The following HNRNPH3 variants were observed in gnomAD, a reference collection of about 807,000 sequenced individuals.
The protein encoded by HNRNPH3 is heterogeneous nuclear ribonucleoprotein 2H9.
HNRNPH3 carries 7 observed loss-of-function variants against 47.0 expected under a neutral mutation model. That is an observed-to-expected ratio of 0.15 (90% CI 0.08 to 0.28). HNRNPH3 has a LOEUF of 0.28. Among genes scored for constraint, HNRNPH3 ranks in the 10% least tolerant of loss-of-function variants. HNRNPH3 has a pLI of 1.00. For synonymous variants in HNRNPH3, 120 were observed against 143.2 expected, an observed-to-expected ratio of 0.84 and a Z score of 1.16; for missense variants, 279 against 449.6, an observed-to-expected ratio of 0.62 and a Z score of 3.43.
Position 68,338,553 on chromosome 10 carries a change from A to G in HNRNPH3, c.302A>G (p.Asp101Gly). Residue 101 changes from aspartate (D) to glycine (G), a missense_variant, in exon 4 of 10, where the codon GAT (aspartate) becomes GGT (glycine). By Grantham distance (94) the Asp-to-Gly change is moderately conservative (BLOSUM62 -1). Transcript: ENST00000265866. ...SSRSEIKGFY[D>G]PPRRLLGQRP... ...AGGAGTGAAATCAAAGGATTTTATGATCCACCAAGAAGATTGCTGGGACAG... is the reference window on the plus strand; with the variant it reads ...AGGAGTGAAATCAAAGGATTTTATGGTCCACCAAGAAGATTGCTGGGACAG... 1.2e-6 allele frequency: 2 copies of G among 1,613,078 alleles called. No individual in the cohort carries two copies. Among genetic ancestry groups the G allele is most frequent in the Non-Finnish European group, 1.7e-6 (2 of 1,179,156 alleles).
chr10:68,340,608 G>A (rs1388470387), intron 6 of HNRNPH3, among the ~76,000 whole-genome samples: 3 of 152,192 alleles, frequency 2.0e-5, no homozygotes, highest in East Asian at 1.9e-4. Flanking sequence ...AAAAGCAATG[G>A]TGTGCTCTAG....
Position 68,342,457 on chromosome 10 carries a change from T to A in HNRNPH3, c.*403T>A, listed in dbSNP as rs1229012133. ...GACATCTGGAATAGAGCTTGACAAA[T>A]AATTAGTGTAACTTTTTTCTTTAGT... On this transcript the variant is annotated 3_prime_UTR_variant, in exon 10 of 10. Coordinates refer to ENST00000265866, the MANE Select transcript of HNRNPH3 (RefSeq NM_012207.3). 1 of 157,300 alleles carries A rather than the reference T, an allele frequency of 6.4e-6. No homozygotes were observed. The highest frequency in any genetic ancestry group is 6.3e-5 in the Admixed American group (1 of 15,924). 9.7% of individuals were successfully genotyped at this position (157,300 alleles called of 1,614,324 possible).
chr10:68,341,086 T>A, intron 6 of HNRNPH3, 88 bp from the exon 7 acceptor site: 1 of 937,580 alleles, frequency 1.1e-6, no homozygotes, highest in South Asian at 1.7e-5. Context: ...GAAGGGTTTG[T>A]TTTAATTGAT....
In HNRNPH3 at chr10:68,342,247, T is replaced by C. The variant is rs1318070307; in HGVS notation, c.*193T>C. On this transcript the variant is annotated 3_prime_UTR_variant, in exon 10 of 10. Coordinates refer to ENST00000265866, the MANE Select transcript of HNRNPH3 (RefSeq NM_012207.3). ...AGGTTTATTTGTTGCATACTTTGAC[T>C]TAAAAATAAATTTTTATATTCAAAC... The C allele has an allele frequency of 2.0e-6, 1 of 494,398 alleles. No individual in the cohort carries two copies. Among genetic ancestry groups the C allele is most frequent in the Non-Finnish European group, 3.6e-6 (1 of 278,852 alleles). 30.6% of individuals were successfully genotyped at this position (494,398 alleles called of 1,614,324 possible).
chr10:68,337,751 T>TTTTGG lies in HNRNPH3; in HGVS notation c.113-103_113-102insGTTTG. 1 of 1,030,184 alleles carries TTTTGG rather than the reference T, an allele frequency of 9.7e-7. No homozygotes were observed. Among genetic ancestry groups the TTTTGG allele is most frequent in the Non-Finnish European group, 1.4e-6 (1 of 712,836 alleles). 63.8% of individuals were successfully genotyped at this position (1,030,184 alleles called of 1,614,324 possible). A position where few individuals can be genotyped will look rare whatever the true frequency, so the allele number is the denominator to read the frequency against. On this transcript the variant is annotated intron_variant, in intron 2 of 9. Transcript: ENST00000265866. The surrounding 1 kb of genome is among the most constrained non-coding windows in gnomAD (Gnocchi z 4.5). The stretch of plus-strand genomic sequence containing the variant: ...GGTGATGGGAAACTAAGCTTTTTTG[T>TTTTGG]TTTGTTTTGTTTTGTTTAGACTTGT...
chr10:68,333,666 C>T (rs2045354080), intron 1 of HNRNPH3, among the ~76,000 whole-genome samples: 1 of 151,948 alleles, frequency 6.6e-6, no homozygotes. Context: ...GGATGAGGGT[C>T]CTGAGAACTG....
rs745548942 is a variant in HNRNPH3 at position 68,339,458 on chromosome 10, A to G, written c.542A>G (p.Tyr181Cys). 4 of 1,613,876 alleles carry G rather than the reference A, an allele frequency of 2.5e-6. No individual in the cohort carries two copies. Among genetic ancestry groups the G allele is most frequent in the Non-Finnish European group, 3.4e-6 (4 of 1,179,828 alleles). The change falls in exon 6 of 10, where the codon TAT becomes TGT. Residue 181 changes from tyrosine to cysteine, a missense_variant. This residue lies in a region of HNRNPH3 where 239 missense variants were observed against 335.8 expected (regional missense o/e 0.71). Coordinates refer to ENST00000265866, the MANE Select transcript of HNRNPH3 (RefSeq NM_012207.3). ...RDGRGMGGHG[Y>C]GGAGDASSGF... is the part of the protein sequence containing the mutation. ...TTTCCAGGTATGGGAGGACATGGCT[A>G]TGGTGGAGCTGGTGATGCAAGTTCA...
intron 3 of HNRNPH3, 49 bp downstream of exon 3, chr10:68,338,045 T>A (rs1564751514): frequency 6.8e-7 from 1 of 1,476,540 alleles, no homozygotes; most frequent in East Asian, 2.3e-5. Flanking sequence ...TTTTGGGGGT[T>A]GTGGGTCACT....
rs151267599 is a variant in HNRNPH3 at position 68,340,788 on chromosome 10, T to G, written c.640-386T>G. On this transcript the variant is annotated intron_variant, in intron 6 of 9. Transcript: ENST00000265866. ...AGTTCCAAATCATGATATCCCGTAT[T>G]TCTCTCTGTGTGTTTGTGTGCTTTT... Among the ~76,000 whole-genome samples the G allele has an allele frequency of 8.5e-3, 1,246 of 146,656 alleles. 17 individuals are homozygous for G. The highest frequency in any genetic ancestry group is 0.029 in the African/African-American group (1,164 of 39,512).
rs1228158784 is a variant in HNRNPH3, at chr10:68,339,027, C to T, written c.437-113C>T. 8 of 773,226 alleles carry T rather than the reference C, an allele frequency of 1.0e-5. No individual in the cohort carries two copies. In the African/African-American group the frequency reaches 1.2e-4, roughly 12 times the overall value. The allele number at this position is 773,226 out of a possible 1,614,324, so 47.9% of individuals were successfully genotyped here. On this transcript the variant is annotated intron_variant, in intron 4 of 9. Coordinates refer to ENST00000265866, the MANE Select transcript of HNRNPH3 (RefSeq NM_012207.3). Reference sequence around the variant, plus strand: ...TTCATAGGTTTTAAGTTGGGAATTGCAAACTTGCAATCAAGTTACACAGAC... The same window carrying T: ...TTCATAGGTTTTAAGTTGGGAATTGTAAACTTGCAATCAAGTTACACAGAC...
rs1242974962 is a variant in HNRNPH3, at chr10:68,337,218, TGA to T, written c.-1_1del. The T allele has an allele frequency of 1.3e-6, 2 of 1,543,420 alleles. No individual in the cohort carries two copies. Among genetic ancestry groups the T allele is most frequent in the Non-Finnish European group, 9.0e-7 (1 of 1,116,076 alleles). On this transcript the variant is annotated 5_prime_UTR_variant, in exon 2 of 10. Transcript: ENST00000265866. This position sits in a 1 kb window ranked among gnomAD's most constrained non-coding sequence, Gnocchi z 4.5. ...TTATAGCATTTAAATCAAACGGTAT[TGA>T]GATGGATTGGGTTATGAAACATAAT...
intron 6 of HNRNPH3, among the ~76,000 whole-genome samples, chr10:68,339,876 G>A (rs1284580925): frequency 1.3e-5 from 2 of 151,934 alleles, no homozygotes; most frequent in African/African-American, 4.8e-5. Flanking sequence ...AATCACTGAT[G>A]GATATTTTTG....
At position 68,342,202 on chromosome 10, in the gene HNRNPH3, G is replaced by A. The variant is rs2046009373; in HGVS notation, c.*148G>A. 10 of 566,670 alleles carry A rather than the reference G, an allele frequency of 1.8e-5. No homozygotes were observed. In the South Asian group the frequency reaches 3.1e-4, roughly 17 times the overall value. 35.1% of individuals were successfully genotyped at this position (566,670 alleles called of 1,614,324 possible). A position where few individuals can be genotyped will look rare whatever the true frequency, so the allele number is the denominator to read the frequency against. On this transcript the variant is annotated 3_prime_UTR_variant, in exon 10 of 10. Transcript: ENST00000265866. The stretch of plus-strand genomic sequence containing the variant: ...ATTATTTGGTAAAGCAACAGATTGT[G>A]ATGGGAAAATGTTTTCTGTAGGTTT...
Position 68,337,401 on chromosome 10 carries a change from A to C in HNRNPH3, c.112+68A>C. 1 of 1,030,086 alleles carries C rather than the reference A, an allele frequency of 9.7e-7. No individual in the cohort carries two copies. The highest frequency in any genetic ancestry group is 2.1e-4 in the Middle Eastern group (1 of 4,832). 63.8% of individuals were successfully genotyped at this position (1,030,086 alleles called of 1,614,324 possible). On this transcript the variant is annotated intron_variant, in intron 2 of 9. Coordinates refer to ENST00000265866, the MANE Select transcript of HNRNPH3 (RefSeq NM_012207.3). The surrounding 1 kb of genome is among the most constrained non-coding windows in gnomAD (Gnocchi z 4.5). Reference sequence around the variant, plus strand: ...ATATTTGTATTGTTTTACTGTTTTTAATTTGTAAAACCCATTTGATTTTGG... The same window carrying C: ...ATATTTGTATTGTTTTACTGTTTTTCATTTGTAAAACCCATTTGATTTTGG...
In HNRNPH3 at chr10:68,339,186, T is replaced by C. The variant is rs748113069; in HGVS notation, c.483T>C (p.Tyr161=). Residue 161 remains tyrosine (Y), a synonymous_variant, in exon 5 of 10, where the codon TAT becomes TAC. Coordinates refer to ENST00000265866, the MANE Select transcript of HNRNPH3 (RefSeq NM_012207.3). ...DDYGGYNNYG[Y]GNDGFDDRMR... ...ATGGTGGCTATAATAATTACGGCTA[T>C]GGGAATGATGGCTTTGATGACAGAA... The C allele has an allele frequency of 1.9e-6, 3 of 1,609,428 alleles. No individual in the cohort carries two copies. Among genetic ancestry groups the C allele is most frequent in the Non-Finnish European group, 2.6e-6 (3 of 1,175,766 alleles).
intron 1 of HNRNPH3, among the ~76,000 whole-genome samples, chr10:68,334,721 A>G (rs976389117): frequency 2.0e-5 from 3 of 152,328 alleles, no homozygotes; most frequent in African/African-American, 7.2e-5. Context: ...ACTTGACCAA[A>G]GCTATCCTCA....
At position 68,341,285 on chromosome 10, in the gene HNRNPH3, A is replaced by T. The variant is rs1238023875; in HGVS notation, c.751A>T (p.Met251Leu). The change falls in exon 7 of 10, where the codon ATG becomes TTG. Residue 251 changes from methionine to leucine, a missense_variant. By Grantham distance (15) the Met-to-Leu change is conservative. Coordinates refer to ENST00000265866, the MANE Select transcript of HNRNPH3 (RefSeq NM_012207.3). Reference sequence around the variant, plus strand: ...GACACATGAAGATGCAGTAGCTGCCATGTCTAAAGATAAAAATAACATGCG... The same window carrying T: ...GACACATGAAGATGCAGTAGCTGCCTTGTCTAAAGATAAAAATAACATGCG... ...FVTHEDAVAA[M>L]SKDKNNMQHR... 1 of 1,601,536 alleles carries T rather than the reference A, an allele frequency of 6.2e-7. No individual in the cohort carries two copies. Among genetic ancestry groups the T allele is most frequent in the Admixed American group, 1.8e-5 (1 of 55,330 alleles).
At chr10:68,340,028 C>T (rs956221113) in intron 6 of HNRNPH3, among the ~76,000 whole-genome samples, 1 of 150,372 alleles carries the variant, frequency 6.7e-6, no homozygotes, top group African/African-American at 2.4e-5. Context: ...TTTGTTGTAC[C>T]GTTTTTTGTT....
Position 68,337,476 on chromosome 10 carries a change from T to A in HNRNPH3, c.112+143T>A. On this transcript the variant is annotated intron_variant, in intron 2 of 9. Transcript: ENST00000265866. The surrounding 1 kb of genome is among the most constrained non-coding windows in gnomAD (Gnocchi z 4.5). ...TCTTGGTTAATGTATTAAAATAATA[T>A]GCTCCAGTTAATATTCAATACAGAA... The A allele has an allele frequency of 1.7e-6, 1 of 600,282 alleles. No homozygotes were observed. The highest frequency in any genetic ancestry group is 3.0e-6 in the Non-Finnish European group (1 of 338,260). The allele number at this position is 600,282 out of a possible 1,614,324, so 37.2% of individuals were successfully genotyped here.
Sources: allele counts gnomAD v4.1 joint callset (sites outside exome capture counted in the v4.1 genomes callset), GRCh38; gene constraint gnomAD v4.1.1; regional missense constraint gnomAD v4.1.1; non-coding constraint Gnocchi (gnomAD v3.1); transcripts MANE v1.5; gene names NCBI Gene and HGNC (gene_info 2026-07-23, HGNC 2026-07-21).